IPCEF1: variants seen among roughly 807,000 people sequenced by gnomAD.
The protein encoded by IPCEF1 is interactor protein for cytohesin exchange factors 1.
IPCEF1 carries 31 observed loss-of-function variants against 50.9 expected under a neutral mutation model. The ratio of observed to expected loss-of-function variants is 0.61; its 90% CI spans 0.46 to 0.82. The LOEUF is 0.82. Ranked by LOEUF, IPCEF1 falls within the 40% of genes least tolerant of loss-of-function variation. The pLI, the probability that IPCEF1 is intolerant of heterozygous loss-of-function variation, is 0.00. For synonymous variants in IPCEF1, 181 were observed against 192.0 expected (o/e 0.94, Z 0.47); for missense variants, 458 against 514.0 (o/e 0.89, Z 1.05).
At chr6:154,288,530 G>T (rs1782422823) in intron 2 of IPCEF1, among the ~76,000 whole-genome samples, 1 of 151,958 alleles carries the variant, frequency 6.6e-6, no homozygotes, top group Non-Finnish European at 1.5e-5. Flanking sequence ...CGGTGTGGCG[G>T]CAGGCGCTTG....
At chr6:154,160,543 A>G (rs1187164340) in intron 11 of IPCEF1, among the ~76,000 whole-genome samples, 1 of 152,184 alleles carries the variant, frequency 6.6e-6, no homozygotes, top group Non-Finnish European at 1.5e-5. Context: ...AAATACACAG[A>G]TTATCTTTTC....
chr6:154,291,391 AT>A (rs1296465573), intron 1 of IPCEF1, among the ~76,000 whole-genome samples: 1 of 152,070 alleles, frequency 6.6e-6, no homozygotes, highest in Non-Finnish European at 1.5e-5. Context: ...GAGTACTTGG[AT>A]TTTTTTCTTT....
rs537191926 is a variant in IPCEF1, at chr6:154,191,287, C to T, written c.910+8381G>A. 2.0e-5 allele frequency among the ~76,000 whole-genome samples: 3 copies of T among 152,130 alleles called. No individual in the cohort carries two copies. The South Asian group carries it at 6.2e-4, about 32-fold the overall frequency. ...GGAGCACAGGGGATATTTTTTACGG[C>T]AGTGAAACTAGTCTGTATGATACTG... On this transcript the variant is annotated intron_variant, in intron 10 of 11. Transcript: ENST00000367220.
chr6:154,212,728 T>C (rs748719701), intron 9 of IPCEF1, 42 bp downstream of exon 9: 3 of 1,296,946 alleles, frequency 2.3e-6, no homozygotes, highest in Admixed American at 3.4e-5. Context: ...GACATCCACA[T>C]GTCTGATCGA....
At chr6:154,255,026 A>G (rs1235430193) in intron 3 of IPCEF1, among the ~76,000 whole-genome samples, 3 of 152,092 alleles carry the variant, frequency 2.0e-5, no homozygotes, top group Non-Finnish European at 2.9e-5. Context: ...CTCTCTTGTT[A>G]TTGCAGTCTA....
In IPCEF1 at chr6:154,311,047, A is replaced by C. The variant is rs191778525; in HGVS notation, c.-61-21291T>G. 3.2e-4 allele frequency among the ~76,000 whole-genome samples: 48 copies of C among 152,330 alleles called. No homozygotes were observed. In the East Asian group the frequency reaches 8.3e-3, roughly 26 times the overall value. On this transcript the variant is annotated intron_variant, in intron 1 of 11. Coordinates refer to ENST00000367220, the MANE Select transcript of IPCEF1 (RefSeq NM_001130700.2). ...CAAACAAATGATGTTGGAAGGGAAT[A>C]AATATGCTAATTATCTTGATTGAAT...
rs779049730 is a variant in IPCEF1, at chr6:154,157,358, T to TG, written c.*2469dup. 6.6e-6 allele frequency: 1 copy of TG among 152,278 alleles called. No individual in the cohort carries two copies. The highest frequency in any genetic ancestry group is 1.5e-5 in the Non-Finnish European group (1 of 68,088). 9.4% of individuals were successfully genotyped at this position (152,278 alleles called of 1,614,324 possible). A position where few individuals can be genotyped will look rare whatever the true frequency, so the allele number is the denominator to read the frequency against. ...GGGAAAAACACGAATGAGCAGGCAA[T>TG]GGGGCTCCAGAAAGCCAGGTGCAAA... On this transcript the variant is annotated 3_prime_UTR_variant, in exon 12 of 12. Transcript: ENST00000367220.
intron 3 of IPCEF1, among the ~76,000 whole-genome samples, chr6:154,255,475 T>C (rs945258690): frequency 3.3e-4 from 50 of 152,240 alleles, no homozygotes; most frequent in African/African-American, 1.1e-3. Flanking sequence ...ATCCTTGATA[T>C]ACTGTAACTT....
chr6:154,183,221 T>C (rs9479782), intron 10 of IPCEF1, among the ~76,000 whole-genome samples: 42,208 of 152,034 alleles, frequency 0.28, 6,973 homozygotes, highest in African/African-American at 0.46. Flanking sequence ...CCTCGTGATC[T>C]GCCCATCTTG....
chr6:154,268,092 C>A (rs1006260112), intron 2 of IPCEF1, among the ~76,000 whole-genome samples: 2 of 152,226 alleles, frequency 1.3e-5, no homozygotes, highest in Admixed American at 1.3e-4. Context: ...GGGACCTGCC[C>A]CCTTCCGCCC....
At chr6:154,180,351 T>C (rs1226545044) in intron 10 of IPCEF1, among the ~76,000 whole-genome samples, 1 of 148,436 alleles carries the variant, frequency 6.7e-6, no homozygotes, top group Non-Finnish European at 1.5e-5. Flanking sequence ...AGGAGACATA[T>C]ATATATATAT....
chr6:154,330,022 T>A (rs550668145), intron 1 of IPCEF1: 1 of 152,414 alleles, frequency 6.6e-6, no homozygotes, highest in East Asian at 1.9e-4. Flanking sequence ...ACAACCTACC[T>A]CCGTCCCAAG....
At chr6:154,223,347 G>C in intron 5 of IPCEF1, 104 bp from the exon 6 acceptor site, 1 of 867,066 alleles carries the variant, frequency 1.2e-6, no homozygotes, top group Non-Finnish European at 1.9e-6. Context: ...TGACATGAGG[G>C]AGAATCAAGA....
intron 5 of IPCEF1, among the ~76,000 whole-genome samples, chr6:154,237,335 T>TA (rs1780214829): frequency 6.6e-6 from 1 of 152,232 alleles, no homozygotes; most frequent in Non-Finnish European, 1.5e-5. Flanking sequence ...CAATGTCTTC[T>TA]AGTCCATTCC....
intron 5 of IPCEF1, among the ~76,000 whole-genome samples, chr6:154,240,383 A>C (rs1780483549): frequency 6.6e-6 from 1 of 152,192 alleles, no homozygotes; most frequent in Admixed American, 6.5e-5. Flanking sequence ...AATTCCTATA[A>C]AATTTTTTTG....
chr6:154,159,219 G>C lies in IPCEF1; in HGVS notation c.*609C>G, dbSNP rs1004820756. 33 of 153,220 alleles carry C rather than the reference G, an allele frequency of 2.2e-4. No individual in the cohort carries two copies. Among genetic ancestry groups the C allele is most frequent in the African/African-American group, 8.0e-4 (33 of 41,426 alleles). 9.5% of individuals were successfully genotyped at this position (153,220 alleles called of 1,614,324 possible). ...CACCAAGCTGTCCTTTGAATGAGTGGAATATGGAACACGCCTCCTCCTTCA... is the reference window on the plus strand; with the variant it reads ...CACCAAGCTGTCCTTTGAATGAGTGCAATATGGAACACGCCTCCTCCTTCA... On this transcript the variant is annotated 3_prime_UTR_variant, in exon 12 of 12. Coordinates refer to ENST00000367220, the MANE Select transcript of IPCEF1 (RefSeq NM_001130700.2).
chr6:154,316,040 A>G (rs562647607), intron 1 of IPCEF1, among the ~76,000 whole-genome samples: 2 of 152,228 alleles, frequency 1.3e-5, no homozygotes, highest in South Asian at 4.1e-4. Context: ...TGGTATTTTC[A>G]GTAGAGACAG....
intron 10 of IPCEF1, among the ~76,000 whole-genome samples, chr6:154,170,372 C>T (rs774562702): frequency 5.3e-5 from 8 of 152,140 alleles, no homozygotes; most frequent in Non-Finnish European, 8.8e-5. Context: ...ATAATGGTGA[C>T]CTAGGAGCAT....
At chr6:154,330,534 C>A (rs1427577525) in intron 1 of IPCEF1, among the ~76,000 whole-genome samples, 2 of 151,904 alleles carry the variant, frequency 1.3e-5, no homozygotes, top group Non-Finnish European at 2.9e-5. Context: ...CTATGTTGCC[C>A]AGGCTGGTCT....
Sources: allele counts gnomAD v4.1 joint callset (sites outside exome capture counted in the v4.1 genomes callset), GRCh38; gene constraint gnomAD v4.1.1; transcripts MANE v1.5; gene names NCBI Gene and HGNC (gene_info 2026-07-23, HGNC 2026-07-21).